Variants in KAZN observed in about 807,000 individuals in gnomAD.
The protein encoded by KAZN is kazrin, periplakin interacting protein, also known as kazrin.
KAZN carries 40 observed loss-of-function variants against 87.4 expected under a neutral mutation model. That is an observed-to-expected ratio of 0.46 (90% CI 0.36 to 0.60). The LOEUF (loss-of-function observed/expected upper bound fraction) is 0.60. KAZN is among the 20% of genes least tolerant of loss of function. The probability of loss-of-function intolerance (pLI) is 0.00; values close to 1 mark genes in which losing one functional copy is unlikely to be tolerated. For synonymous variants in KAZN, 466 were observed against 458.3 expected (o/e 1.02, Z -0.22); for missense variants, 898 against 1,073.9 (o/e 0.84, Z 2.29).
intron 2 of KAZN, among the ~76,000 whole-genome samples, chr1:14,195,065 G>A (rs1467248932): frequency 6.6e-6 from 1 of 152,044 alleles, no homozygotes; most frequent in East Asian, 1.9e-4. Context: ...AACCCTTCGA[G>A]GAAAGACCAA....
intron 14 of KAZN, 52 bp downstream of exon 14, chr1:15,112,593 T>TTTTTTTTCTTCTCCCAGCGGCAGGTCA: frequency 7.9e-7 from 1 of 1,259,304 alleles, no homozygotes; most frequent in Non-Finnish European, 1.1e-6. Flanking sequence ...GGGAAAGGTC[T>TTTTTTTTCTTCTCCCAGCGGCAGGTCA]TTTTTTCTCC....
At chr1:14,880,472 A>G (rs571247774) in intron 1 of KAZN, among the ~76,000 whole-genome samples, 1 of 152,300 alleles carries the variant, frequency 6.6e-6, no homozygotes, top group East Asian at 1.9e-4. Flanking sequence ...GAACATGCTC[A>G]TGGGTTTTGT....
rs139360667 is a variant in KAZN, at chr1:14,710,081, A to T, written c.226+110858A>T. ...AGGCTTCAAAGAGAACGTGCTGGACACTGCCTCTGCCCTGGTGGAATTCAT... is the reference window on the plus strand; with the variant it reads ...AGGCTTCAAAGAGAACGTGCTGGACTCTGCCTCTGCCCTGGTGGAATTCAT... On this transcript the variant is annotated intron_variant, in intron 1 of 14. Coordinates refer to ENST00000376030, the MANE Select transcript of KAZN (RefSeq NM_201628.3). Among the ~76,000 whole-genome samples the T allele has an allele frequency of 7.0e-3, 1,062 of 152,292 alleles. 6 individuals carry two copies. Among genetic ancestry groups the T allele is most frequent in the Admixed American group, 0.014 (221 of 15,306 alleles).
chr1:13,980,404 CAT>C (rs1386802321), intron 1 of KAZN, among the ~76,000 whole-genome samples: 1 of 151,806 alleles, frequency 6.6e-6, no homozygotes, highest in Admixed American at 6.6e-5. Context: ...TAAATATAAA[CAT>C]ATTTAAAAAG....
At chr1:14,568,984 T>G (rs1450063425) in intron 2 of KAZN, among the ~76,000 whole-genome samples, 1 of 152,154 alleles carries the variant, frequency 6.6e-6, no homozygotes, top group Non-Finnish European at 1.5e-5. Context: ...CAGCACTCCA[T>G]TCGGTTGATG....
chr1:14,945,775 C>G, intron 1 of KAZN: 1 of 562,382 alleles, frequency 1.8e-6, no homozygotes, highest in Non-Finnish European at 2.3e-6. Context: ...TGAGCTGCCC[C>G]GCAGCACTTT....
In KAZN at chr1:15,112,491, C is replaced by G; in HGVS notation, c.2113C>G (p.Arg705Gly). Residue 705 changes from arginine to glycine, a missense_variant, in exon 14 of 15, where the codon CGG becomes GGG. By Grantham distance (125) the Arg-to-Gly change is moderately radical. This residue lies in a region of KAZN where 127 missense variants were observed against 121.5 expected (regional missense o/e 1.04). Transcript: ENST00000376030. ...TPPGRASSVT[R>G]AGKEENSSGL... ...CCCTGGCAGGGCCTCCAGCGTCACG[C>G]GGGCAGGAAAGGAGGAGAACAGCAG... 1 of 1,605,204 alleles carries G rather than the reference C, an allele frequency of 6.2e-7. No homozygotes were observed. The highest frequency in any genetic ancestry group is 2.2e-5 in the East Asian group (1 of 44,630).
rs116348011 is a variant in KAZN, at chr1:14,354,068, A to G, written c.249+173476A>G. 7.5e-3 allele frequency among the ~76,000 whole-genome samples: 1,142 copies of G among 152,358 alleles called. 12 individuals are homozygous for G. Among genetic ancestry groups the G allele is most frequent in the African/African-American group, 0.026 (1,078 of 41,582 alleles). ...AACAGTGTGGCATTGTAGAAAGACT[A>G]AAGAGTCCAGAAATAGATGGACACA... is the stretch of plus-strand genomic sequence containing the variant. On this transcript the variant is annotated intron_variant, in intron 2 of 16. Transcript: ENST00000636203.
intron 1 of KAZN, among the ~76,000 whole-genome samples, chr1:14,131,841 C>T (rs1054357996): frequency 6.6e-6 from 1 of 152,054 alleles, no homozygotes; most frequent in Non-Finnish European, 1.5e-5. Flanking sequence ...TCTGGATCTG[C>T]TTGGTGGTCT....
chr1:13,911,526 A>G (rs1004113397), intron 1 of KAZN, among the ~76,000 whole-genome samples: 10 of 152,236 alleles, frequency 6.6e-5, no homozygotes, highest in Non-Finnish European at 1.5e-5. Flanking sequence ...ACAAGTATCC[A>G]AACGATATCA....
At chr1:14,129,967 A>G (rs1201939364) in intron 1 of KAZN, among the ~76,000 whole-genome samples, 1 of 152,258 alleles carries the variant, frequency 6.6e-6, no homozygotes, top group Non-Finnish European at 1.5e-5. Context: ...GATAATTGAG[A>G]GAAGTGAACA....
chr1:14,603,112 T>G (rs1221391953), intron 1 of KAZN, among the ~76,000 whole-genome samples: 2 of 152,262 alleles, frequency 1.3e-5, no homozygotes, highest in Non-Finnish European at 1.5e-5. Context: ...GAATTGAATG[T>G]GTGAGTAGTC....
At chr1:14,239,051 A>T (rs900300182) in intron 2 of KAZN, among the ~76,000 whole-genome samples, 17 of 152,226 alleles carry the variant, frequency 1.1e-4, no homozygotes, top group South Asian at 2.1e-4. Context: ...ATTTCAAATT[A>T]ATAGTTTCCT....
intron 1 of KAZN, among the ~76,000 whole-genome samples, chr1:14,884,060 G>C (rs1653776593): frequency 6.6e-6 from 1 of 152,144 alleles, no homozygotes; most frequent in Admixed American, 6.5e-5. Context: ...CTGAGGCTGA[G>C]AGAAACTACA....
chr1:14,617,631 T>C (rs1678358925), intron 1 of KAZN, among the ~76,000 whole-genome samples: 1 of 152,184 alleles, frequency 6.6e-6, no homozygotes, highest in Non-Finnish European at 1.5e-5. Flanking sequence ...GATAAGTGCA[T>C]GGGACATACA....
intron 1 of KAZN, among the ~76,000 whole-genome samples, chr1:14,006,989 T>C (rs1640065389): frequency 6.6e-6 from 1 of 152,220 alleles, no homozygotes; most frequent in South Asian, 2.1e-4. Flanking sequence ...CATTTATCTG[T>C]GTCTTCTTCA....
intron 2 of KAZN, among the ~76,000 whole-genome samples, chr1:14,509,234 A>C (rs938842755): frequency 5.9e-5 from 9 of 152,252 alleles, no homozygotes; most frequent in Non-Finnish European, 1.3e-4. Flanking sequence ...TACACGTATC[A>C]TTGCATTTAG....
intron 1 of KAZN, among the ~76,000 whole-genome samples, chr1:14,154,646 T>G (rs1645548541): frequency 6.6e-6 from 1 of 152,234 alleles, no homozygotes; most frequent in African/African-American, 2.4e-5. Context: ...GTACATGGCT[T>G]TAATTATGTT....
intron 1 of KAZN, among the ~76,000 whole-genome samples, chr1:14,728,383 T>C (rs4661521): frequency 0.37 from 55,077 of 150,560 alleles, 10,846 homozygotes; most frequent in African/African-American, 0.51. Flanking sequence ...TGGGGAGTGG[T>C]TGCAAATAAG....
Sources: gnomAD v4.1 joint callset for allele counts (sites outside exome capture counted in the v4.1 genomes callset) on GRCh38, gnomAD v4.1.1 for gene constraint, gnomAD v4.1.1 regional missense constraint, MANE v1.5 for transcripts, NCBI Gene and HGNC (gene_info 2026-07-23, HGNC 2026-07-21) for gene names.